The following EVC variants were observed in gnomAD, a reference collection of about 807,000 sequenced individuals.
EVC encodes the protein evC complex member EVC.
In EVC, 116 loss-of-function variants were observed where a neutral mutation model predicts 118.9. That is an observed-to-expected ratio of 0.98 (90% CI 0.84 to 1.14). The LOEUF (loss-of-function observed/expected upper bound fraction) is 1.14. EVC is among the 50% of genes most tolerant of loss of function. The pLI, the probability that EVC is intolerant of heterozygous loss-of-function variation, is 0.00. For missense variants in EVC, 1,401 were observed against 1,246.4 expected, an observed-to-expected ratio of 1.12 and a Z score of -1.87; for synonymous variants, 619 against 534.7, an observed-to-expected ratio of 1.16 and a Z score of -2.18.
chr4:5,814,370 G>A (rs1717358331), downstream of EVC: 1 of 152,116 alleles, frequency 6.6e-6, no homozygotes, highest in Non-Finnish European at 1.5e-5. Context: ...ACTCCCCCAG[G>A]GTGAGTGCAC....
intron 2 of EVC, among the ~76,000 whole-genome samples, chr4:5,726,953 T>C (rs955861823): frequency 1.3e-5 from 2 of 152,176 alleles, no homozygotes; most frequent in African/African-American, 2.4e-5. Flanking sequence ...TGACACATTT[T>C]CTTAATCCAG....
the EVC span, chr4:5,828,790 A>AAAAT: frequency 8.3e-7 from 1 of 1,197,786 alleles, no homozygotes; most frequent in Non-Finnish European, 1.1e-6. Flanking sequence ...TTTCTCTCTA[A>AAAAT]AAATACCTTT....
At chr4:5,771,284 C>A (rs1405469859) in intron 11 of EVC, among the ~76,000 whole-genome samples, 2 of 152,148 alleles carry the variant, frequency 1.3e-5, no homozygotes, top group African/African-American at 2.4e-5. Context: ...CTAAAGGCCA[C>A]CCACATTCCT....
At chr4:5,815,784 C>G (rs909063270), downstream of EVC, among the ~76,000 whole-genome samples, 1 of 152,164 alleles carries the variant, frequency 6.6e-6, no homozygotes, top group African/African-American at 2.4e-5. Context: ...TGATTCGCAC[C>G]TGACGTCCCC....
At chr4:5,799,619 G>C (rs940408874) in intron 15 of EVC, among the ~76,000 whole-genome samples, 1 of 152,180 alleles carries the variant, frequency 6.6e-6, no homozygotes, top group Admixed American at 6.5e-5. Flanking sequence ...GGCCACTGTA[G>C]GCAGGATGTC....
Position 5,731,581 on chromosome 4 carries a change from G to A in EVC, c.541G>A (p.Ala181Thr). ...CAGCTCCTCATCCAGCGTCCACTCGGCCACCAGCGATGACAGGTTTCTCAG... is the reference window on the plus strand; with the variant it reads ...CAGCTCCTCATCCAGCGTCCACTCGACCACCAGCGATGACAGGTTTCTCAG... ...DCSSSSSVHSATSDDRFLSRT... is the reference protein window; with the variant it reads ...DCSSSSSVHSTTSDDRFLSRT... Residue 181 changes from alanine (A) to threonine (T), a missense_variant, in exon 4 of 21, where the codon GCC (alanine) becomes ACC (threonine). Ala to Thr is a moderately conservative substitution (Grantham distance 58). Transcript: ENST00000264956. The surrounding 1 kb of genome is among the most constrained non-coding windows in gnomAD (Gnocchi z 5.6). The A allele has an allele frequency of 6.2e-7, 1 of 1,614,116 alleles. No individual in the cohort carries two copies. The highest frequency in any genetic ancestry group is 8.5e-7 in the Non-Finnish European group (1 of 1,180,024).
chr4:5,797,129 C>T lies in EVC; in HGVS notation c.1994C>T (p.Ser665Leu), dbSNP rs375340438. 1.1e-5 allele frequency: 18 copies of T among 1,613,578 alleles called. No homozygotes were observed. The highest frequency in any genetic ancestry group is 1.1e-4 in the South Asian group (10 of 91,080). Residue 665 changes from serine to leucine, a missense_variant, in exon 14 of 21, where the codon TCG becomes TTG. By Grantham distance (145) the Ser-to-Leu change is moderately radical. Coordinates refer to ENST00000264956, the MANE Select transcript of EVC (RefSeq NM_153717.3). ...ALATLTQMRL[S>L]GKKHLLQELR... ...GCCACCCTGACGCAGATGCGGCTAT[C>T]GGGGAAGAAGCACCTCCTGCAGGAG...
Position 5,812,035 on chromosome 4 carries a change from C to G in EVC, c.*998C>G, listed in dbSNP as rs1716988766. 1 of 167,038 alleles carries G rather than the reference C, an allele frequency of 6.0e-6. No homozygotes were observed. Among genetic ancestry groups the G allele is most frequent in the Admixed American group, 6.6e-5 (1 of 15,170 alleles). 10.3% of individuals were successfully genotyped at this position (167,038 alleles called of 1,614,324 possible). A position where few individuals can be genotyped will look rare whatever the true frequency, so the allele number is the denominator to read the frequency against. On this transcript the variant is annotated 3_prime_UTR_variant, in exon 21 of 21. Coordinates refer to ENST00000264956, the MANE Select transcript of EVC (RefSeq NM_153717.3). ...GAAACTTCCAGACCAGCCCCTCTCA[C>G]CACAGCCAGGAGAGGCCTTTACCAC...
At chr4:5,825,287 C>T in the EVC span, 7 of 985,208 alleles carry the variant, frequency 7.1e-6, no homozygotes, top group Non-Finnish European at 8.4e-6. This position sits in a 1 kb window ranked among gnomAD's most constrained non-coding sequence, Gnocchi z 4.4. Context: ...CACCATGTTG[C>T]CCCCCTAACA....
downstream of EVC, among the ~76,000 whole-genome samples, chr4:5,814,794 C>G (rs1337547195): frequency 6.6e-6 from 1 of 151,952 alleles, no homozygotes; most frequent in East Asian, 1.9e-4. Flanking sequence ...CCAGTGGCTC[C>G]TAGCCACTCC....
chr4:5,759,429 A>G (rs1433555331), intron 11 of EVC, among the ~76,000 whole-genome samples: 2 of 152,120 alleles, frequency 1.3e-5, no homozygotes, highest in Non-Finnish European at 2.9e-5. Flanking sequence ...GGAGCCAGAC[A>G]TCTGGGGTTC....
Position 5,763,545 on chromosome 4 carries a change from C to A in EVC, c.1563+7183C>A, listed in dbSNP as rs879784635. 6.9e-3 allele frequency among the ~76,000 whole-genome samples: 961 copies of A among 139,794 alleles called. 5 individuals carry two copies. The highest frequency in any genetic ancestry group is 0.012 in the Non-Finnish European group (759 of 64,784). The allele number at this position is 139,794 out of a possible 152,430, so 91.7% of individuals were successfully genotyped here. ...TTCCTACCCATGAGCATGGAATGTT[C>A]TTCCATTTGTTTGTATCCTCTTTTA... On this transcript the variant is annotated intron_variant, in intron 11 of 20. Transcript: ENST00000264956.
chr4:5,728,585 T>G (rs964670720), intron 2 of EVC, among the ~76,000 whole-genome samples: 4 of 152,174 alleles, frequency 2.6e-5, no homozygotes, highest in Non-Finnish European at 5.9e-5. Context: ...TTCTTCTCTT[T>G]TCTAGTGACT....
At chr4:5,784,389 C>G (rs970505056) in intron 12 of EVC, among the ~76,000 whole-genome samples, 1 of 152,082 alleles carries the variant, frequency 6.6e-6, no homozygotes, top group East Asian at 1.9e-4. Flanking sequence ...TCTAGGAACT[C>G]TGGCTGGTTC....
rs1191347968 is a variant in EVC, at chr4:5,731,397, C to T, written c.385-28C>T. On this transcript the variant is annotated intron_variant, in intron 3 of 20. Coordinates refer to ENST00000264956, the MANE Select transcript of EVC (RefSeq NM_153717.3). This position sits in a 1 kb window ranked among gnomAD's most constrained non-coding sequence, Gnocchi z 5.6. The stretch of plus-strand genomic sequence containing the variant: ...TCAAATCCCAGAGGCATCACATGGA[C>T]TGAGTGTGACTCCTACTGCCACCCC... The T allele has an allele frequency of 4.6e-6, 7 of 1,530,766 alleles. No individual in the cohort carries two copies. In the African/African-American group the frequency reaches 9.6e-5, roughly 21 times the overall value. The allele number at this position is 1,530,766 out of a possible 1,614,324, so 94.8% of individuals were successfully genotyped here.
intron 5 of EVC, among the ~76,000 whole-genome samples, chr4:5,741,260 G>A (rs1193437252): frequency 6.6e-6 from 1 of 152,230 alleles, no homozygotes; most frequent in Non-Finnish European, 1.5e-5. Context: ...ACTTATGGGA[G>A]GGTTCTTCCT....
chr4:5,766,329 C>A (rs964029572), intron 11 of EVC, among the ~76,000 whole-genome samples: 2 of 149,376 alleles, frequency 1.3e-5, no homozygotes, highest in Non-Finnish European at 3.0e-5. Context: ...CTCTGGCTGC[C>A]CTTAACATTT....
intron 16 of EVC, among the ~76,000 whole-genome samples, chr4:5,802,550 C>T (rs1013401299): frequency 5.3e-5 from 8 of 150,702 alleles, no homozygotes; most frequent in Non-Finnish European, 8.9e-5. Context: ...AATTATACAA[C>T]TCACCATAAT....
chr4:5,798,534 C>T lies in EVC; in HGVS notation c.2098-52C>T, dbSNP rs1714385142. On this transcript the variant is annotated intron_variant, in intron 14 of 20. Coordinates refer to ENST00000264956, the MANE Select transcript of EVC (RefSeq NM_153717.3). This position sits in a 1 kb window ranked among gnomAD's most constrained non-coding sequence, Gnocchi z 4.1. ...CCCCACATCCCAGTCCTGGCCAGAG[C>T]TTCTCTGTGAGAGGAGCACTTGGCC... The T allele has an allele frequency of 2.6e-6, 4 of 1,530,950 alleles. No homozygotes were observed. The African/African-American group carries it at 5.5e-5, about 21-fold the overall frequency. 94.8% of individuals were successfully genotyped at this position (1,530,950 alleles called of 1,614,324 possible).
Sources: gnomAD v4.1 joint callset for allele counts (sites outside exome capture counted in the v4.1 genomes callset) on GRCh38, gnomAD v4.1.1 for gene constraint, Gnocchi (gnomAD v3.1) non-coding constraint, MANE v1.5 for transcripts, NCBI Gene and HGNC (gene_info 2026-07-23, HGNC 2026-07-21) for gene names.